KIF26B: variants seen among roughly 807,000 people sequenced by gnomAD.
The protein encoded by KIF26B is kinesin family member 26B.
Under a neutral mutation model 151.2 loss-of-function variants are expected in KIF26B, and 63 were observed. The observed-to-expected ratio is 0.42, with a 90% CI of 0.34 to 0.51. The LOEUF is 0.51. Ranked by LOEUF, KIF26B falls within the 20% of genes least tolerant of loss-of-function variation. The probability of loss-of-function intolerance (pLI) is 0.07; values close to 1 mark genes in which losing one functional copy is unlikely to be tolerated. For missense variants in KIF26B, 2,813 were observed against 2,913.6 expected, an observed-to-expected ratio of 0.97 and a Z score of 0.79; for synonymous variants, 1,357 against 1,262.1, an observed-to-expected ratio of 1.08 and a Z score of -1.59.
At chr1:245,593,748 C>T (rs2043313616) in intron 5 of KIF26B, among the ~76,000 whole-genome samples, 1 of 152,196 alleles carries the variant, frequency 6.6e-6, no homozygotes, top group Admixed American at 6.5e-5. Flanking sequence ...AATCACCACA[C>T]TGTCTTCCAC....
At chr1:245,331,818 T>C (rs1558391807) in intron 2 of KIF26B, among the ~76,000 whole-genome samples, 1 of 152,204 alleles carries the variant, frequency 6.6e-6, no homozygotes, top group Non-Finnish European at 1.5e-5. Context: ...AAGTGAGATT[T>C]ACTTTGGTCT....
At chr1:245,321,018 C>A (rs796519048) in intron 2 of KIF26B, among the ~76,000 whole-genome samples, 8 of 152,316 alleles carry the variant, frequency 5.3e-5, no homozygotes, top group African/African-American at 1.9e-4. Flanking sequence ...CAAGCAGTGA[C>A]AGTTCATCTC....
chr1:245,437,464 C>T (rs1002716134), intron 4 of KIF26B, among the ~76,000 whole-genome samples: 9 of 152,200 alleles, frequency 5.9e-5, no homozygotes, highest in East Asian at 1.9e-4. Context: ...TTACACTTCT[C>T]CTGTGGTCCT....
intron 2 of KIF26B, among the ~76,000 whole-genome samples, chr1:245,331,240 G>A (rs573271331): frequency 2.6e-5 from 4 of 152,172 alleles, no homozygotes; most frequent in Admixed American, 6.5e-5. Context: ...TGCACGTGCG[G>A]ACCAGAGGCT....
chr1:245,335,058 A>C (rs973424161), intron 2 of KIF26B, among the ~76,000 whole-genome samples: 1 of 152,170 alleles, frequency 6.6e-6, no homozygotes, highest in Admixed American at 6.5e-5. Context: ...GAGGCAGCTA[A>C]AACCACTGAG....
Position 245,614,587 on chromosome 1 carries a change from C to G in KIF26B, c.2098+2611C>G, listed in dbSNP as rs545153341. ...CTCTAACTGGGGCTGCTTTTTATGG[C>G]TCTGAAAATCAGCCCTGAGCTGCCT... On this transcript the variant is annotated intron_variant, in intron 9 of 14. Coordinates refer to ENST00000407071, the MANE Select transcript of KIF26B (RefSeq NM_018012.4). 4.6e-5 allele frequency among the ~76,000 whole-genome samples: 7 copies of G among 152,354 alleles called. No individual in the cohort carries two copies. In the South Asian group the frequency reaches 1.4e-3, roughly 32 times the overall value.
chr1:245,623,481 A>T (rs1364169931), intron 9 of KIF26B, among the ~76,000 whole-genome samples: 1 of 152,186 alleles, frequency 6.6e-6, no homozygotes, highest in African/African-American at 2.4e-5. Context: ...TGGCCGATCC[A>T]TTCATCTCTT....
rs777663264 is a variant in KIF26B at position 245,698,096 on chromosome 1, C to A, written c.5825-10C>A. Reference sequence around the variant, plus strand: ...AAAGACTAACTCTCTGGGCTTATCCCCCTCCTCAGGTTCTCAGAGACGGAG... The same window carrying A: ...AAAGACTAACTCTCTGGGCTTATCCACCTCCTCAGGTTCTCAGAGACGGAG... On this transcript the variant is annotated splice_polypyrimidine_tract_variant and intron_variant, in intron 12 of 14. Transcript: ENST00000407071. The surrounding 1 kb of genome is among the most constrained non-coding windows in gnomAD (Gnocchi z 4.0). 2.5e-6 allele frequency: 4 copies of A among 1,609,464 alleles called. No individual in the cohort carries two copies. The highest frequency in any genetic ancestry group is 3.4e-6 in the Non-Finnish European group (4 of 1,177,404).
intron 2 of KIF26B, among the ~76,000 whole-genome samples, chr1:245,236,201 T>A (rs1035402201): frequency 2.6e-5 from 4 of 152,170 alleles, no homozygotes; most frequent in Non-Finnish European, 4.4e-5. Context: ...ATGTTGGGAT[T>A]ACAGGCGTGA....
intron 10 of KIF26B, among the ~76,000 whole-genome samples, chr1:245,657,329 G>A (rs1158283059): frequency 2.0e-5 from 3 of 152,242 alleles, no homozygotes; most frequent in South Asian, 4.2e-4. Context: ...GCCTGAAATC[G>A]CGCGCTGAGA....
At chr1:245,691,951 CTT>C (rs892824932) in intron 12 of KIF26B, among the ~76,000 whole-genome samples, 2 of 152,152 alleles carry the variant, frequency 1.3e-5, no homozygotes, top group African/African-American at 4.8e-5. Flanking sequence ...GGCTTAGAAT[CTT>C]GAGCTGTGTG....
chr1:245,441,398 C>A (rs942908276), intron 4 of KIF26B, among the ~76,000 whole-genome samples: 1 of 151,904 alleles, frequency 6.6e-6, no homozygotes, highest in African/African-American at 2.4e-5. Flanking sequence ...GACTTTTTCC[C>A]AAGATATCTG....
intron 2 of KIF26B, among the ~76,000 whole-genome samples, chr1:245,275,401 C>T (rs1670920314): frequency 6.6e-6 from 1 of 152,102 alleles, no homozygotes; most frequent in African/African-American, 2.4e-5. Flanking sequence ...GAAGTCCTTG[C>T]CCATGCCTAG....
intron 4 of KIF26B, among the ~76,000 whole-genome samples, chr1:245,431,034 T>C (rs1658764834): frequency 6.6e-6 from 1 of 152,228 alleles, no homozygotes; most frequent in African/African-American, 2.4e-5. Context: ...TTAGCCACCA[T>C]GCTCTCCTGC....
intron 2 of KIF26B, among the ~76,000 whole-genome samples, chr1:245,249,390 C>T (rs1383041293): frequency 2.6e-5 from 4 of 152,036 alleles, no homozygotes; most frequent in East Asian, 3.9e-4. Context: ...TGAGGCACCG[C>T]GCCCAGCCAC....
At chr1:245,421,165 A>T (rs1658476940) in intron 4 of KIF26B, among the ~76,000 whole-genome samples, 1 of 152,228 alleles carries the variant, frequency 6.6e-6, no homozygotes, top group South Asian at 2.1e-4. Flanking sequence ...GGTCATGTCC[A>T]TGCCATTTAG....
At chr1:245,526,113 T>G (rs894924479) in intron 4 of KIF26B, among the ~76,000 whole-genome samples, 5 of 152,184 alleles carry the variant, frequency 3.3e-5, no homozygotes, top group African/African-American at 1.2e-4. Context: ...AAATTTGAAC[T>G]AAATCTTCCT....
rs1342652764 is a variant in KIF26B at position 245,704,488 on chromosome 1, G to C, written c.*1882G>C. 6.6e-6 allele frequency: 1 copy of C among 152,268 alleles called. No homozygotes were observed. Among genetic ancestry groups the C allele is most frequent in the Non-Finnish European group, 1.5e-5 (1 of 68,060 alleles). 9.4% of individuals were successfully genotyped at this position (152,268 alleles called of 1,614,324 possible). On this transcript the variant is annotated 3_prime_UTR_variant, in exon 15 of 15. Coordinates refer to ENST00000407071, the MANE Select transcript of KIF26B (RefSeq NM_018012.4). ...TGGAAGCCAGCTCCCTGGGTCACGA[G>C]TCTGGCTTTGCACTTTCCATAAGAG... is the stretch of plus-strand genomic sequence containing the variant.
intron 9 of KIF26B, among the ~76,000 whole-genome samples, chr1:245,642,563 A>G (rs901891914): frequency 9.6e-5 from 3 of 31,146 alleles, no homozygotes; most frequent in East Asian, 1.4e-3. Context: ...TCCGTCTCAG[A>G]AAAAAAAAAA....
Sources: gnomAD v4.1 joint callset for allele counts (sites outside exome capture counted in the v4.1 genomes callset) on GRCh38, gnomAD v4.1.1 for gene constraint, Gnocchi (gnomAD v3.1) non-coding constraint, MANE v1.5 for transcripts, NCBI Gene and HGNC (gene_info 2026-07-23, HGNC 2026-07-21) for gene names.